Variants in OR4N5 observed in about 807,000 individuals in gnomAD.
OR4N5 encodes olfactory receptor family 4 subfamily N member 5, also known as olfactory receptor 4N5.
For synonymous variants in OR4N5, 155 were observed against 140.6 expected (o/e 1.10, Z -0.72); for missense variants, 428 against 370.0 (o/e 1.16, Z -1.29).
In OR4N5 at chr14:20,145,114, C is replaced by T. The variant is rs1300528337; in HGVS notation, c.*452C>T. 6.3e-6 allele frequency: 1 copy of T among 158,218 alleles called. No individual in the cohort carries two copies. 9.8% of individuals were successfully genotyped at this position (158,218 alleles called of 1,614,324 possible). A position where few individuals can be genotyped will look rare whatever the true frequency, so the allele number is the denominator to read the frequency against. ...GGGACAGAAATTCTAGGCAAAAAGG[C>T]TGACTAGTACAAGAATCCAAAGATC... On this transcript the variant is annotated 3_prime_UTR_variant, in exon 3 of 3. Coordinates refer to ENST00000641086, the MANE Select transcript of OR4N5 (RefSeq NM_001004724.2).
At chr14:20,141,748 A>C (rs1017921760) in intron 2 of OR4N5, among the ~76,000 whole-genome samples, 4 of 152,200 alleles carry the variant, frequency 2.6e-5, no homozygotes, top group African/African-American at 9.6e-5. Context: ...CTTCAAAAAA[A>C]AAGTTATATT....
Position 20,144,274 on chromosome 14 carries a change from A to G in OR4N5, c.539A>G (p.Asp180Gly). 6.2e-7 allele frequency: 1 copy of G among 1,613,970 alleles called. No individual in the cohort carries two copies. The highest frequency in any genetic ancestry group is 8.5e-7 in the Non-Finnish European group (1 of 1,179,970). ...GPNQLDNFFC[D>G]VPQVIKLACT... is the part of the protein sequence containing the mutation. ...AACCAGCTCGATAACTTCTTCTGTG[A>G]TGTTCCACAGGTCATCAAGCTGGCC... Residue 180 changes from aspartate (D) to glycine (G), a missense_variant, in exon 3 of 3, where the codon GAT becomes GGT. Physicochemically the swap from Asp to Gly is moderately conservative, Grantham distance 94 (BLOSUM62 -1). Coordinates refer to ENST00000641086, the MANE Select transcript of OR4N5 (RefSeq NM_001004724.2).
Position 20,144,605 on chromosome 14 carries a change from C to T in OR4N5, c.870C>T (p.Arg290=). ...PLMNPVIYTL[R]NQEVKASMRK... ...TGAACCCTGTTATTTATACGCTTCG[C>T]AACCAGGAGGTGAAAGCTTCCATGA... The change falls in exon 3 of 3, where the codon CGC becomes CGT. Residue 290 remains arginine, a synonymous_variant. Transcript: ENST00000641086. 1 of 1,613,622 alleles carries T rather than the reference C, an allele frequency of 6.2e-7. No homozygotes were observed. The highest frequency in any genetic ancestry group is 8.5e-7 in the Non-Finnish European group (1 of 1,179,818).
intron 1 of OR4N5, among the ~76,000 whole-genome samples, chr14:20,140,464 G>C (rs1049138394): frequency 1.3e-5 from 2 of 152,192 alleles, no homozygotes; most frequent in African/African-American, 4.8e-5. Context: ...GCAAGATAAA[G>C]TGAATGAGGA....
Position 20,144,174 on chromosome 14 carries a change from G to C in OR4N5, c.439G>C (p.Val147Leu), listed in dbSNP as rs1471962486. The C allele has an allele frequency of 1.2e-6, 2 of 1,613,976 alleles. No homozygotes were observed. The highest frequency in any genetic ancestry group is 2.7e-5 in the African/African-American group (2 of 74,910). Residue 147 changes from valine to leucine, a missense_variant, in exon 3 of 3, where the codon GTT (valine) becomes CTT (leucine). By Grantham distance (32) the Val-to-Leu change is conservative. Coordinates refer to ENST00000641086, the MANE Select transcript of OR4N5 (RefSeq NM_001004724.2). ...TAGAGCCTGCTATGCATTATCGTTGGTTCTGTGGCTTGGGGGCTTTATCCA... is the reference window on the plus strand; with the variant it reads ...TAGAGCCTGCTATGCATTATCGTTGCTTCTGTGGCTTGGGGGCTTTATCCA... ...NPRACYALSL[V>L]LWLGGFIHSI...
chr14:20,140,621 G>A (rs971498234), intron 1 of OR4N5, among the ~76,000 whole-genome samples: 1 of 152,204 alleles, frequency 6.6e-6, no homozygotes, highest in African/African-American at 2.4e-5. Flanking sequence ...TGTTGTGCGG[G>A]ACAGTATGGG....
intron 2 of OR4N5, 81 bp from the exon 3 acceptor site, chr14:20,143,644 T>C (rs909081317): frequency 1.5e-5 from 14 of 936,538 alleles, no homozygotes; most frequent in Admixed American, 1.2e-4. Flanking sequence ...GGACAAATAA[T>C]GTTCTTATCT....
Position 20,144,465 on chromosome 14 carries a change from A to G in OR4N5, c.730A>G (p.Ile244Val). ...GGCTATTTCCACATGCACCACCCAT[A>G]TTATCATTATATTTCTCATGTTTGG... Reference protein sequence around the residue: ...SKAISTCTTHIIIIFLMFGPA... With the variant: ...SKAISTCTTHVIIIFLMFGPA... Residue 244 changes from isoleucine to valine, a missense_variant, in exon 3 of 3, where the codon ATT becomes GTT. By Grantham distance (29) the Ile-to-Val change is conservative. Coordinates refer to ENST00000641086, the MANE Select transcript of OR4N5 (RefSeq NM_001004724.2). 6.2e-7 allele frequency: 1 copy of G among 1,613,882 alleles called. No individual in the cohort carries two copies.
chr14:20,144,711 C>A lies in OR4N5; in HGVS notation c.*49C>A. The A allele has an allele frequency of 8.1e-7, 1 of 1,229,516 alleles. No homozygotes were observed. The highest frequency in any genetic ancestry group is 1.2e-6 in the Non-Finnish European group (1 of 868,378). The allele number at this position is 1,229,516 out of a possible 1,614,324, so 76.2% of individuals were successfully genotyped here. A position where few individuals can be genotyped will look rare whatever the true frequency, so the allele number is the denominator to read the frequency against. Reference sequence around the variant, plus strand: ...ACGGAGAAAGTCCAGTTGAATTTAGCTAAATCATTTCCTCATTCATGCATT... The same window carrying A: ...ACGGAGAAAGTCCAGTTGAATTTAGATAAATCATTTCCTCATTCATGCATT... On this transcript the variant is annotated 3_prime_UTR_variant, in exon 3 of 3. Coordinates refer to ENST00000641086, the MANE Select transcript of OR4N5 (RefSeq NM_001004724.2).
rs566861893 is a variant in OR4N5 at position 20,138,909 on chromosome 14, C to A, written c.-381+19C>A. ...CGGCAAGGTAAAATTTTTTATCATT[C>A]TTTATATTTAAATTAAATAGAGAAA... is the stretch of plus-strand genomic sequence containing the variant. On this transcript the variant is annotated intron_variant, in intron 1 of 2. Transcript: ENST00000641086. The A allele has an allele frequency of 6.7e-6, 1 of 150,168 alleles. No individual in the cohort carries two copies. Among genetic ancestry groups the A allele is most frequent in the Non-Finnish European group, 1.5e-5 (1 of 67,578 alleles). The allele number at this position is 150,168 out of a possible 1,614,324, so 9.3% of individuals were successfully genotyped here. A position where few individuals can be genotyped will look rare whatever the true frequency, so the allele number is the denominator to read the frequency against.
In OR4N5 at chr14:20,144,423, T is replaced by C. The variant is rs750490309; in HGVS notation, c.688T>C (p.Ser230Pro). Reference protein sequence around the residue: ...VILCRIREHSSEGKSKAISTC... With the variant: ...VILCRIREHSPEGKSKAISTC... The stretch of plus-strand genomic sequence containing the variant: ...CCTCTGTCGTATAAGGGAGCACTCC[T>C]CTGAAGGAAAGAGCAAGGCTATTTC... Residue 230 changes from serine (S) to proline (P), a missense_variant, in exon 3 of 3, where the codon TCT becomes CCT. Coordinates refer to ENST00000641086, the MANE Select transcript of OR4N5 (RefSeq NM_001004724.2). 1 of 1,614,054 alleles carries C rather than the reference T, an allele frequency of 6.2e-7. No homozygotes were observed. Among genetic ancestry groups the C allele is most frequent in the South Asian group, 1.1e-5 (1 of 91,084 alleles).
At chr14:20,143,658 G>A (rs1878661089) in intron 2 of OR4N5, 67 bp from the exon 3 acceptor site, 1 of 1,028,782 alleles carries the variant, frequency 9.7e-7, no homozygotes, top group South Asian at 1.6e-5. Context: ...CTTATCTGGA[G>A]AGGAGATAGA....
At chr14:20,141,418 T>C (rs527419190) in intron 2 of OR4N5, among the ~76,000 whole-genome samples, 2 of 152,340 alleles carry the variant, frequency 1.3e-5, no homozygotes, top group South Asian at 2.1e-4. Flanking sequence ...CAAGTGTGAA[T>C]ATGTATTTGG....
chr14:20,140,702 ATCTT>A (rs1878599004), intron 1 of OR4N5, 137 bp from the exon 2 acceptor site: 1 of 152,198 alleles, frequency 6.6e-6, no homozygotes, highest in African/African-American at 2.4e-5. Flanking sequence ...ATGTGTGTAT[ATCTT>A]TCTATCTATA....
intron 2 of OR4N5, 21 bp from the exon 3 acceptor site, chr14:20,143,704 T>C (rs1252398360): frequency 1.4e-5 from 20 of 1,460,928 alleles, no homozygotes; most frequent in Non-Finnish European, 1.9e-5. Flanking sequence ...AGATAACAAT[T>C]TGCCCTATTT....
chr14:20,145,207 G>GA lies in OR4N5; in HGVS notation c.*549dup, dbSNP rs367805519. 1 of 152,184 alleles carries GA rather than the reference G, an allele frequency of 6.6e-6. No homozygotes were observed. The highest frequency in any genetic ancestry group is 2.4e-5 in the African/African-American group (1 of 41,430). The allele number at this position is 152,184 out of a possible 1,614,324, so 9.4% of individuals were successfully genotyped here. A position where few individuals can be genotyped will look rare whatever the true frequency, so the allele number is the denominator to read the frequency against. On this transcript the variant is annotated 3_prime_UTR_variant, in exon 3 of 3. Transcript: ENST00000641086. ...CAGCTGTACTATATTTAGTGAATGT[G>GA]AAAATGGCAAAAATTGAAGTCAAAG... is the stretch of plus-strand genomic sequence containing the variant.
In OR4N5 at chr14:20,144,564, G is replaced by A. The variant is rs1878697121; in HGVS notation, c.829G>A (p.Val277Ile). The change falls in exon 3 of 3, where the codon GTC (valine) becomes ATC (isoleucine). Residue 277 changes from valine to isoleucine, a missense_variant. By Grantham distance (29) the Val-to-Ile change is conservative. Coordinates refer to ENST00000641086, the MANE Select transcript of OR4N5 (RefSeq NM_001004724.2). ...ADKVVSLFHT[V>I]IFPLMNPVIY... is the part of the protein sequence containing the mutation. ...CAAGGTAGTTTCTCTTTTCCATACT[G>A]TCATCTTTCCTTTGATGAACCCTGT... The A allele has an allele frequency of 1.2e-6, 2 of 1,613,746 alleles. No homozygotes were observed. Among genetic ancestry groups the A allele is most frequent in the East Asian group, 2.2e-5 (1 of 44,860 alleles).
chr14:20,140,967 G>A lies in OR4N5; in HGVS notation c.-256G>A, dbSNP rs1158203966. 1.3e-5 allele frequency: 2 copies of A among 151,708 alleles called. No individual in the cohort carries two copies. Among genetic ancestry groups the A allele is most frequent in the African/African-American group, 4.8e-5 (2 of 41,288 alleles). 9.4% of individuals were successfully genotyped at this position (151,708 alleles called of 1,614,324 possible). A position where few individuals can be genotyped will look rare whatever the true frequency, so the allele number is the denominator to read the frequency against. On this transcript the variant is annotated 5_prime_UTR_variant, in exon 2 of 3. Coordinates refer to ENST00000641086, the MANE Select transcript of OR4N5 (RefSeq NM_001004724.2). ...TCCATCTCTGTGACAAATACAATTT[G>A]AGAATCAACAGAACAAAAGGTACAT...
At chr14:20,142,021 T>A (rs1424035710) in intron 2 of OR4N5, among the ~76,000 whole-genome samples, 1 of 152,212 alleles carries the variant, frequency 6.6e-6, no homozygotes, top group African/African-American at 2.4e-5. Context: ...TTGAAATCAT[T>A]CATTGCAATA....
Sources: gnomAD v4.1 joint callset for allele counts (sites outside exome capture counted in the v4.1 genomes callset) on GRCh38, gnomAD v4.1.1 for gene constraint, MANE v1.5 for transcripts, NCBI Gene and HGNC (gene_info 2026-07-23, HGNC 2026-07-21) for gene names.